BAG6: variants seen among roughly 807,000 people sequenced by gnomAD.
The protein encoded by BAG6 is large proline-rich protein BAG6.
A neutral mutation model predicts 121.0 loss-of-function variants in BAG6; 22 were observed. The ratio of observed to expected loss-of-function variants is 0.18; its 90% CI spans 0.13 to 0.26. The LOEUF is 0.26. Ranked by LOEUF, BAG6 falls within the 10% of genes least tolerant of loss-of-function variation. The probability of loss-of-function intolerance (pLI) is 1.00; values close to 1 mark genes in which losing one functional copy is unlikely to be tolerated. For missense variants in BAG6, 1,233 were observed against 1,537.7 expected (o/e 0.80, Z 3.31); for synonymous variants, 583 against 584.6 (o/e 1.00, Z 0.04).
Position 31,649,381 on chromosome 6 carries a change from C to A in BAG6, c.241G>T (p.Val81Phe), listed in dbSNP as rs1288042685. 3.7e-6 allele frequency: 6 copies of A among 1,604,560 alleles called. No individual in the cohort carries two copies. The highest frequency in any genetic ancestry group is 5.1e-6 in the Non-Finnish European group (6 of 1,175,270). The stretch of plus-strand genomic sequence containing the variant: ...GGAGCCCGTTCCACCAGGTGGATAA[C>A]CTTTCCCCCAACATCTGCAGAAAAA... ...KLQEYNVGGKVIHLVERAPPQ... is the reference protein window; with the variant it reads ...KLQEYNVGGKFIHLVERAPPQ... The change falls in exon 4 of 26, where the codon GTT becomes TTT. Residue 81 changes from valine (V) to phenylalanine (F), a missense_variant. Coordinates refer to ENST00000676615, the MANE Select transcript of BAG6 (RefSeq NM_001387994.1).
intron 15 of BAG6, 90 bp from the exon 16 acceptor site, chr6:31,642,493 C>T (rs1463067618): frequency 5.9e-6 from 4 of 680,528 alleles, no homozygotes; most frequent in African/African-American, 1.8e-5. Context: ...CACAAACCAA[C>T]GGGTCTGGGA....
intron 8 of BAG6, 37 bp downstream of exon 8, chr6:31,646,357 G>A (rs1444711683): frequency 1.2e-6 from 2 of 1,604,260 alleles, no homozygotes. Context: ...GGAGTACTGG[G>A]GCTGAGGAGA....
intron 24 of BAG6, among the ~76,000 whole-genome samples, chr6:31,639,991 C>A (rs1780977125): frequency 6.6e-6 from 1 of 152,170 alleles, no homozygotes; most frequent in East Asian, 1.9e-4. Context: ...GCAACTAATA[C>A]AGGACTGCTA....
chr6:31,647,916 TAACTA>T, intron 6 of BAG6, 90 bp from the exon 7 acceptor site: 1 of 1,419,858 alleles, frequency 7.0e-7, no homozygotes, highest in South Asian at 1.7e-5. Flanking sequence ...GAAAGTATCC[TAACTA>T]GACTCCCTGA....
intron 2 of BAG6, among the ~76,000 whole-genome samples, chr6:31,650,351 A>C (rs146852379): frequency 1.5e-4 from 23 of 152,146 alleles, no homozygotes; most frequent in African/African-American, 5.3e-4. Context: ...TTAATGAAGA[A>C]AGACTAAGAA....
At position 31,639,504 on chromosome 6, in the gene BAG6, T is replaced by A; in HGVS notation, c.3389A>T (p.Gln1130Leu). Reference sequence around the variant, plus strand: ...TATTCTGCTTCAAGGTGGCACCTGCTGCCTGTAGCTCTCCTGAACCTCTGG... The same window carrying A: ...TATTCTGCTTCAAGGTGGCACCTGCAGCCTGTAGCTCTCCTGAACCTCTGG... ...EAPEVQESYR[Q>L]QLRSDIQKRL... The change falls in exon 25 of 26, where the codon CAG becomes CTG. Residue 1130 changes from glutamine (Q) to leucine (L), a missense_variant. By Grantham distance (113) the Gln-to-Leu change is moderately radical. Coordinates refer to ENST00000676615, the MANE Select transcript of BAG6 (RefSeq NM_001387994.1). 6.2e-7 allele frequency: 1 copy of A among 1,613,118 alleles called. No individual in the cohort carries two copies. The highest frequency in any genetic ancestry group is 8.5e-7 in the Non-Finnish European group (1 of 1,179,272).
chr6:31,650,873 T>G (rs1038984072), intron 2 of BAG6, among the ~76,000 whole-genome samples: 2 of 152,196 alleles, frequency 1.3e-5, no homozygotes, highest in Non-Finnish European at 2.9e-5. Flanking sequence ...GATAGCTATG[T>G]CCAAGGCTTT....
chr6:31,648,731 C>T lies in BAG6; in HGVS notation c.498G>A (p.Leu166=). 6.2e-7 allele frequency: 1 copy of T among 1,614,064 alleles called. No homozygotes were observed. The highest frequency in any genetic ancestry group is 8.5e-7 in the Non-Finnish European group (1 of 1,180,020). ...CCCTGATCATGTGCTGAGCCATCAC[C>T]AGCCGTACCCGGGGCTCACTCTACA... ...APIQSEPRVR[L]VMAQHMIRDI... is the part of the protein sequence containing the mutation. Residue 166 remains leucine, a synonymous_variant, in exon 6 of 26, where the codon CTG becomes CTA. Coordinates refer to ENST00000676615, the MANE Select transcript of BAG6 (RefSeq NM_001387994.1).
At chr6:31,642,801 T>C in intron 15 of BAG6, 28 bp downstream of exon 15, 2 of 1,605,288 alleles carry the variant, frequency 1.2e-6, no homozygotes, top group Non-Finnish European at 1.7e-6. Flanking sequence ...GACAGGAAGA[T>C]GAGGTGAATG....
chr6:31,647,847 G>A (rs772227280), intron 6 of BAG6, 21 bp from the exon 7 acceptor site: 9 of 1,518,360 alleles, frequency 5.9e-6, no homozygotes, highest in Non-Finnish European at 6.2e-6. Context: ...GGGAGAGTCA[G>A]GATACCAAAG....
Position 31,640,592 on chromosome 6 carries a change from C to A in BAG6, c.2994+53G>T. The A allele has an allele frequency of 6.2e-7, 1 of 1,612,766 alleles. No individual in the cohort carries two copies. Among genetic ancestry groups the A allele is most frequent in the Non-Finnish European group, 8.5e-7 (1 of 1,179,794 alleles). ...TTTTAGCCTCCAAACCTTTCTCCCC[C>A]AGCCCTCCACTCCACATTATCTGGC... is the stretch of plus-strand genomic sequence containing the variant. On this transcript the variant is annotated intron_variant, in intron 22 of 25. Transcript: ENST00000676615. The surrounding 1 kb of genome is among the most constrained non-coding windows in gnomAD (Gnocchi z 4.2).
At chr6:31,652,146 C>G (rs1234068732) in intron 1 of BAG6, 1 of 199,356 alleles carries the variant, frequency 5.0e-6, no homozygotes, top group Non-Finnish European at 1.1e-5. Context: ...CGGTGGTCGC[C>G]CCACACTCTG....
chr6:31,641,607 G>A lies in BAG6; in HGVS notation c.2506-15C>T. ...TGGGTTGCCATCTGTGGAGGAAACAGAACAGGTTTAGTTCAAAGCCTCAGT... is the reference window on the plus strand; with the variant it reads ...TGGGTTGCCATCTGTGGAGGAAACAAAACAGGTTTAGTTCAAAGCCTCAGT... On this transcript the variant is annotated splice_polypyrimidine_tract_variant and intron_variant, in intron 17 of 25. Coordinates refer to ENST00000676615, the MANE Select transcript of BAG6 (RefSeq NM_001387994.1). This position sits in a 1 kb window ranked among gnomAD's most constrained non-coding sequence, Gnocchi z 5.7. The A allele has an allele frequency of 6.2e-7, 1 of 1,614,106 alleles. No homozygotes were observed. The highest frequency in any genetic ancestry group is 8.5e-7 in the Non-Finnish European group (1 of 1,179,956).
chr6:31,640,877 A>C lies in BAG6; in HGVS notation c.2849T>G (p.Leu950Arg). ...LVSWLTTMMG[L>R]RLQVVLEHMP... ...GTGCTCCAGTACCACCTGAAGCCTC[A>C]GTCCCATCATAGTGGTCAGCCAGCT... is the stretch of plus-strand genomic sequence containing the variant. The change falls in exon 21 of 26, where the codon CTG becomes CGG. Residue 950 changes from leucine (L) to arginine (R), a missense_variant. Coordinates refer to ENST00000676615, the MANE Select transcript of BAG6 (RefSeq NM_001387994.1). The surrounding 1 kb of genome is among the most constrained non-coding windows in gnomAD (Gnocchi z 4.2). The C allele has an allele frequency of 6.2e-7, 1 of 1,612,788 alleles. No homozygotes were observed. Among genetic ancestry groups the C allele is most frequent in the Non-Finnish European group, 8.5e-7 (1 of 1,180,030 alleles).
At position 31,648,921 on chromosome 6, in the gene BAG6, G is replaced by A. The variant is rs969415049; in HGVS notation, c.467C>T (p.Ala156Val). The A allele has an allele frequency of 2.0e-6, 3 of 1,535,680 alleles. No homozygotes were observed. The highest frequency in any genetic ancestry group is 2.6e-6 in the Non-Finnish European group (3 of 1,143,288). Residue 156 changes from alanine to valine, a missense_variant, in exon 5 of 26, where the codon GCC becomes GTC. Transcript: ENST00000676615. ...GAGGCCCCTCAATACCTGAATCGGG[G>A]CCTGTTCCATGTTGATGTGAACATC... is the stretch of plus-strand genomic sequence containing the variant. ...AVDVHINMEQ[A>V]PIQSEPRVRL...
chr6:31,651,827 A>ACC, intron 1 of BAG6, 51 bp from the exon 2 acceptor site: 1 of 1,361,624 alleles, frequency 7.3e-7, no homozygotes, highest in Non-Finnish European at 1.0e-6. Flanking sequence ...ACCAGAGTGT[A>ACC]CCCGAAAGAC....
rs768315950 is a variant in BAG6 at position 31,641,914 on chromosome 6, G to A, written c.2367C>T (p.Cys789=). 1 of 1,612,984 alleles carries A rather than the reference G, an allele frequency of 6.2e-7. No homozygotes were observed. The highest frequency in any genetic ancestry group is 1.1e-5 in the South Asian group (1 of 91,072). Residue 789 remains cysteine (C), a synonymous_variant, in exon 17 of 26, where the codon TGC becomes TGT. Transcript: ENST00000676615. This position sits in a 1 kb window ranked among gnomAD's most constrained non-coding sequence, Gnocchi z 5.7. ...CTACGTCCACCATAGAGAAGTTCTG[G>A]CACAGAAGAGAAAGCAAGGCCCCAA... The part of the protein sequence containing the change: ...GFFGALLSLL[C]QNFSMVDVVM...
At chr6:31,643,762 C>T in intron 14 of BAG6, 128 bp downstream of exon 14, 1 of 481,772 alleles carries the variant, frequency 2.1e-6, no homozygotes, top group Non-Finnish European at 3.5e-6. Flanking sequence ...AACCTGAAGA[C>T]ACAAGACACT....
intron 25 of BAG6, 96 bp from the exon 26 acceptor site, chr6:31,639,322 C>CG: frequency 8.2e-6 from 12 of 1,456,534 alleles, no homozygotes; most frequent in Non-Finnish European, 1.1e-5. Context: ...TAACATTTCC[C>CG]CCCCCAAGCA....
Sources: gnomAD v4.1 joint callset for allele counts (sites outside exome capture counted in the v4.1 genomes callset) on GRCh38, gnomAD v4.1.1 for gene constraint, Gnocchi (gnomAD v3.1) non-coding constraint, MANE v1.5 for transcripts, NCBI Gene and HGNC (gene_info 2026-07-23, HGNC 2026-07-21) for gene names.